Variants in CDIN1 observed in about 807,000 individuals in gnomAD.
CDIN1 encodes CDAN1-interacting nuclease 1.
A neutral mutation model predicts 45.3 loss-of-function variants in CDIN1; 33 were observed. The ratio of observed to expected loss-of-function variants is 0.73; its 90% CI spans 0.55 to 0.97. The LOEUF (loss-of-function observed/expected upper bound fraction) is 0.97. Ranked by LOEUF, CDIN1 falls within the 50% of genes least tolerant of loss-of-function variation. CDIN1 has a pLI of 0.00. For missense variants in CDIN1, 303 were observed against 339.4 expected, an observed-to-expected ratio of 0.89 and a Z score of 0.84; for synonymous variants, 118 against 124.4, an observed-to-expected ratio of 0.95 and a Z score of 0.34.
At chr15:36,795,856 C>T (rs1052656971) in intron 10 of CDIN1, among the ~76,000 whole-genome samples, 10 of 152,138 alleles carry the variant, frequency 6.6e-5, no homozygotes. Flanking sequence ...GAATGAACCT[C>T]TGCACCTGAA....
At chr15:36,723,591 G>T (rs939480713) in intron 10 of CDIN1, among the ~76,000 whole-genome samples, 1 of 152,008 alleles carries the variant, frequency 6.6e-6, no homozygotes, top group Non-Finnish European at 1.5e-5. Flanking sequence ...TTAGAGACAA[G>T]GCTTCACTTT....
At chr15:36,662,020 G>C (rs567294522) in intron 5 of CDIN1, among the ~76,000 whole-genome samples, 57 of 152,140 alleles carry the variant, frequency 3.7e-4, no homozygotes, top group Admixed American at 2.1e-3. Flanking sequence ...CATGTTTACT[G>C]CTACTGAGTC....
chr15:36,797,306 G>C lies in CDIN1; in HGVS notation c.717-11018G>C, dbSNP rs549588415. Among the ~76,000 whole-genome samples, 3 of 151,244 alleles carry C rather than the reference G, an allele frequency of 2.0e-5. No homozygotes were observed. The East Asian group carries it at 6.1e-4, about 31-fold the overall frequency. Reference sequence around the variant, plus strand: ...TGCTGAGATATGGCCAGGAACAGTAGTACTTCATTTTGATTGATGTTTTTA... The same window carrying C: ...TGCTGAGATATGGCCAGGAACAGTACTACTTCATTTTGATTGATGTTTTTA... On this transcript the variant is annotated intron_variant, in intron 10 of 10. Transcript: ENST00000566621.
Position 36,800,873 on chromosome 15 carries a change from GTATATA to G in CDIN1, c.717-7449_717-7444del, listed in dbSNP as rs1420469121. Reference sequence around the variant, plus strand: ...TGATTATACATATGTGTGTGTGTGTGTATATATGTGTGTGTGTGTGTGTGTGTGTGT... The same window carrying G: ...TGATTATACATATGTGTGTGTGTGTGTGTGTGTGTGTGTGTGTGTGTGTGT... On this transcript the variant is annotated intron_variant, in intron 10 of 10. Transcript: ENST00000566621. Among the ~76,000 whole-genome samples the G allele has an allele frequency of 1.7e-3, 121 of 71,300 alleles. 8 individuals are homozygous for G. The South Asian group carries it at 0.041, about 24-fold the overall frequency. 46.8% of individuals were successfully genotyped at this position (71,300 alleles called of 152,430 possible).
At chr15:36,650,857 T>C (rs893272511) in intron 3 of CDIN1, among the ~76,000 whole-genome samples, 1 of 152,020 alleles carries the variant, frequency 6.6e-6, no homozygotes, top group Non-Finnish European at 1.5e-5. Flanking sequence ...GAGATCAGGA[T>C]TTCGAGACCA....
At chr15:36,601,352 G>A (rs16963655) in intron 1 of CDIN1, among the ~76,000 whole-genome samples, 4,336 of 152,172 alleles carry the variant, frequency 0.028, 186 homozygotes, top group African/African-American at 0.098. Context: ...TTTTCTTTTC[G>A]TAGTCTTAGG....
At chr15:36,735,246 C>G (rs527353020) in intron 10 of CDIN1, among the ~76,000 whole-genome samples, 1 of 152,198 alleles carries the variant, frequency 6.6e-6, no homozygotes, top group Non-Finnish European at 1.5e-5. Flanking sequence ...TGATGAATTA[C>G]GTCAGTTTAT....
At chr15:36,605,828 A>G (rs571615749) in intron 1 of CDIN1, among the ~76,000 whole-genome samples, 1 of 152,276 alleles carries the variant, frequency 6.6e-6, no homozygotes, top group South Asian at 2.1e-4. Flanking sequence ...CCAACAGGCT[A>G]ATTATACCCA....
chr15:36,786,087 C>G (rs2054483057), intron 10 of CDIN1, among the ~76,000 whole-genome samples: 2 of 152,156 alleles, frequency 1.3e-5, no homozygotes, highest in Admixed American at 6.5e-5. Flanking sequence ...AGTGTTCATA[C>G]ACTAAGAGAA....
intron 3 of CDIN1, among the ~76,000 whole-genome samples, chr15:36,648,365 T>C (rs554865524): frequency 2.0e-5 from 3 of 151,960 alleles, no homozygotes; most frequent in Non-Finnish European, 2.9e-5. Flanking sequence ...TATTTCATCA[T>C]ATGAAAGTAT....
At chr15:36,713,722 C>T (rs1184933217) in intron 10 of CDIN1, among the ~76,000 whole-genome samples, 1 of 152,118 alleles carries the variant, frequency 6.6e-6, no homozygotes, top group Non-Finnish European at 1.5e-5. Context: ...AGAAGTCTTC[C>T]GACTAGACAT....
intron 1 of CDIN1, among the ~76,000 whole-genome samples, chr15:36,584,062 T>C (rs777842321): frequency 7.9e-5 from 12 of 152,200 alleles, no homozygotes; most frequent in Non-Finnish European, 1.6e-4. Flanking sequence ...ACATCTAATA[T>C]TAAACATTGA....
At chr15:36,707,114 T>C (rs1303697582) in intron 8 of CDIN1, 1 of 152,144 alleles carries the variant, frequency 6.6e-6, no homozygotes, top group Non-Finnish European at 1.5e-5. Flanking sequence ...AGTCAGAGTT[T>C]AGTAAATAGA....
intron 1 of CDIN1, among the ~76,000 whole-genome samples, chr15:36,612,242 T>C (rs907883782): frequency 2.6e-4 from 40 of 152,160 alleles, no homozygotes; most frequent in Non-Finnish European, 4.4e-5. Context: ...CCCTTGTCTC[T>C]CTTCTTCAGG....
chr15:36,786,938 T>A (rs1454145402), intron 10 of CDIN1, among the ~76,000 whole-genome samples: 2 of 152,150 alleles, frequency 1.3e-5, no homozygotes, highest in Non-Finnish European at 2.9e-5. Context: ...GATGCCTGTC[T>A]GCCGGCATAA....
At chr15:36,725,475 G>A (rs1348368551) in intron 10 of CDIN1, among the ~76,000 whole-genome samples, 2 of 152,152 alleles carry the variant, frequency 1.3e-5, no homozygotes, top group African/African-American at 2.4e-5. Flanking sequence ...GAGGAGGTCT[G>A]TGTGCTATCT....
intron 10 of CDIN1, among the ~76,000 whole-genome samples, chr15:36,803,330 G>A (rs949244263): frequency 6.6e-6 from 1 of 151,160 alleles, no homozygotes; most frequent in Non-Finnish European, 1.5e-5. Context: ...ACTGATCCTC[G>A]GCATCAGAAA....
At chr15:36,780,058 GGAGAGTGAGTCTCAATTTCCTGT>G (rs57435040) in intron 10 of CDIN1, among the ~76,000 whole-genome samples, 16,059 of 152,060 alleles carry the variant, frequency 0.11, 2,854 homozygotes, top group African/African-American at 0.37. Flanking sequence ...GATTCCAAAT[GGAGAGTGAGTCTCAATTTCCTGT>G]GCACTGAAGC....
At chr15:36,584,631 T>C (rs1325873788) in intron 1 of CDIN1, among the ~76,000 whole-genome samples, 1 of 152,206 alleles carries the variant, frequency 6.6e-6, no homozygotes, top group Non-Finnish European at 1.5e-5. Flanking sequence ...AGTTTAGGAT[T>C]CTGAGTGGCC....
Sources: gnomAD v4.1 joint callset for allele counts (sites outside exome capture counted in the v4.1 genomes callset) on GRCh38, gnomAD v4.1.1 for gene constraint, MANE v1.5 for transcripts, NCBI Gene and HGNC (gene_info 2026-07-23, HGNC 2026-07-21) for gene names.